The following MRPS27 variants were observed in gnomAD, a reference collection of about 807,000 sequenced individuals.
MRPS27 encodes the protein mitochondrial ribosomal protein S27.
A neutral mutation model predicts 48.9 loss-of-function variants in MRPS27; 43 were observed. That is an observed-to-expected ratio of 0.88 (90% CI 0.69 to 1.13). The LOEUF is 1.13. Among genes scored for constraint, MRPS27 ranks in the 50% most tolerant of loss-of-function variants. The pLI, the probability that MRPS27 is intolerant of heterozygous loss-of-function variation, is 0.00. For missense variants in MRPS27, 467 were observed against 476.3 expected (o/e 0.98, Z 0.18); for synonymous variants, 188 against 171.9 (o/e 1.09, Z -0.73).
chr5:72,308,226 G>A (rs973407894), intron 2 of MRPS27, among the ~76,000 whole-genome samples: 4 of 152,198 alleles, frequency 2.6e-5, no homozygotes, highest in Non-Finnish European at 4.4e-5. Flanking sequence ...CGAAGAGAGG[G>A]GGCACCGGAA....
At chr5:72,255,930 G>A (rs965712803) in intron 4 of MRPS27, among the ~76,000 whole-genome samples, 2 of 152,204 alleles carry the variant, frequency 1.3e-5, no homozygotes, top group African/African-American at 2.4e-5. Context: ...ATAAACCAGG[G>A]AGTGCTATCT....
chr5:72,249,072 A>C (rs1748586756), intron 4 of MRPS27, among the ~76,000 whole-genome samples: 1 of 152,234 alleles, frequency 6.6e-6, no homozygotes, highest in Admixed American at 6.5e-5. Context: ...TGGCTGCTAC[A>C]ATGAATGCAG....
Position 72,223,828 on chromosome 5 carries a change from A to C in MRPS27, c.860T>G (p.Leu287Arg). The C allele has an allele frequency of 2.5e-6, 4 of 1,613,970 alleles. No homozygotes were observed. The highest frequency in any genetic ancestry group is 3.4e-6 in the Non-Finnish European group (4 of 1,179,910). Residue 287 changes from leucine to arginine, a missense_variant, in exon 10 of 11, where the codon CTG becomes CGG. Leu to Arg is a moderately radical substitution (Grantham distance 102). Transcript: ENST00000261413. ...CCCATCAGCTGAAGTCAGAGCCTTC[A>C]GCACTGCACCCAGCACATCGAGCTG... Reference protein sequence around the residue: ...REALDVLGAVLKALTSADGAS... With the variant: ...REALDVLGAVRKALTSADGAS...
chr5:72,224,085 G>A (rs1168137792), intron 9 of MRPS27, among the ~76,000 whole-genome samples: 1 of 152,124 alleles, frequency 6.6e-6, no homozygotes, highest in Non-Finnish European at 1.5e-5. Context: ...AAGCTAGCCT[G>A]GGTATGGTGG....
intron 5 of MRPS27, 59 bp downstream of exon 5, chr5:72,237,955 A>G: frequency 1.6e-6 from 2 of 1,234,604 alleles, no homozygotes; most frequent in Admixed American, 1.7e-5. Context: ...TACAATAGGT[A>G]CAAACACCAT....
chr5:72,295,717 A>G, intron 3 of MRPS27, 128 bp from the exon 4 acceptor site: 1 of 670,714 alleles, frequency 1.5e-6, no homozygotes, highest in East Asian at 2.6e-5. Context: ...GGTGATGCTT[A>G]GTGGAACAAT....
chr5:72,255,705 A>G (rs1370879351), intron 4 of MRPS27, among the ~76,000 whole-genome samples: 2 of 152,248 alleles, frequency 1.3e-5, no homozygotes, highest in Non-Finnish European at 2.9e-5. Flanking sequence ...CACTTTACAG[A>G]TGAGGAAACT....
intron 8 of MRPS27, among the ~76,000 whole-genome samples, chr5:72,226,791 A>G (rs1747912396): frequency 6.6e-6 from 1 of 152,034 alleles, no homozygotes; most frequent in Non-Finnish European, 1.5e-5. Context: ...GGATCTCTGG[A>G]CATGAATGTT....
intron 2 of MRPS27, among the ~76,000 whole-genome samples, chr5:72,301,283 A>G (rs534724129): frequency 5.9e-5 from 9 of 152,364 alleles, no homozygotes; most frequent in Non-Finnish European, 1.2e-4. Context: ...AAGCCAAGTG[A>G]TTAAAGCAAA....
chr5:72,267,321 A>G (rs1179691014), intron 4 of MRPS27, among the ~76,000 whole-genome samples: 2 of 152,236 alleles, frequency 1.3e-5, no homozygotes, highest in African/African-American at 4.8e-5. Context: ...AAGTTCATAT[A>G]ACATATGAAC....
intron 4 of MRPS27, among the ~76,000 whole-genome samples, chr5:72,269,014 G>A (rs1022020266): frequency 6.6e-6 from 1 of 152,166 alleles, no homozygotes; most frequent in African/African-American, 2.4e-5. Context: ...AGCTCAGATG[G>A]GGAGAAGGAG....
In MRPS27 at chr5:72,220,860, G is replaced by A. The variant is rs369855570; in HGVS notation, c.*49C>T. On this transcript the variant is annotated 3_prime_UTR_variant, in exon 11 of 11. Transcript: ENST00000261413. ...CCAGGCCACTGCTGAGTCCTGGCAC[G>A]GGGTTGAGTGAAGTTCTTGTGAGAC... is the stretch of plus-strand genomic sequence containing the variant. 74 of 1,607,256 alleles carry A rather than the reference G, an allele frequency of 4.6e-5. No individual in the cohort carries two copies. The Middle Eastern group carries it at 7.0e-4, about 15-fold the overall frequency.
intron 4 of MRPS27, among the ~76,000 whole-genome samples, chr5:72,274,477 A>G (rs760792052): frequency 4.6e-5 from 7 of 152,338 alleles, no homozygotes; most frequent in Middle Eastern, 3.4e-3. Context: ...TATCAGGGCA[A>G]TAACAGACAT....
At chr5:72,222,253 C>G (rs144243178) in intron 10 of MRPS27, among the ~76,000 whole-genome samples, 14 of 152,344 alleles carry the variant, frequency 9.2e-5, no homozygotes, top group Non-Finnish European at 1.6e-4. Context: ...GCCAACAAGA[C>G]AGCTTGGGAC....
intron 4 of MRPS27, among the ~76,000 whole-genome samples, chr5:72,276,191 A>G (rs1383308695): frequency 6.6e-6 from 1 of 152,208 alleles, no homozygotes; most frequent in African/African-American, 2.4e-5. Context: ...TAACCCAAAC[A>G]GCATAGTACT....
At chr5:72,255,271 G>A (rs911944162) in intron 4 of MRPS27, among the ~76,000 whole-genome samples, 3 of 151,804 alleles carry the variant, frequency 2.0e-5, no homozygotes, top group African/African-American at 7.3e-5. Flanking sequence ...GGTTGGTCTC[G>A]AACTCCTGAC....
chr5:72,228,568 T>TA (rs1747960480), intron 7 of MRPS27, 200 bp from the exon 8 acceptor site: 2 of 413,754 alleles, frequency 4.8e-6, no homozygotes, highest in African/African-American at 4.1e-5. Context: ...AGAAATACCC[T>TA]ATATGTTAAT....
chr5:72,263,962 T>C (rs1304285778), intron 4 of MRPS27, among the ~76,000 whole-genome samples: 1 of 152,156 alleles, frequency 6.6e-6, no homozygotes. Flanking sequence ...AGCAGCACTA[T>C]ACACAATAGC....
chr5:72,240,396 T>C (rs1204696813), intron 4 of MRPS27, among the ~76,000 whole-genome samples: 2 of 152,120 alleles, frequency 1.3e-5, no homozygotes, highest in Non-Finnish European at 2.9e-5. Context: ...ATTTTTCCTT[T>C]AAAAAGAAAC....
Sources: allele counts gnomAD v4.1 joint callset (sites outside exome capture counted in the v4.1 genomes callset), GRCh38; gene constraint gnomAD v4.1.1; transcripts MANE v1.5; gene names NCBI Gene and HGNC (gene_info 2026-07-23, HGNC 2026-07-21).